Variants in VAPB observed in about 807,000 individuals in gnomAD.
The protein encoded by VAPB is VAMP associated protein B and C.
A neutral mutation model predicts 25.6 loss-of-function variants in VAPB; 7 were observed. The observed-to-expected ratio is 0.27, with a 90% CI of 0.16 to 0.51. The LOEUF is 0.51. Ranked by LOEUF, VAPB falls within the 20% of genes least tolerant of loss-of-function variation. The pLI is 0.97. For synonymous variants in VAPB, 112 were observed against 109.2 expected (o/e 1.03, Z -0.16); for missense variants, 266 against 301.3 (o/e 0.88, Z 0.87).
At chr20:58,429,924 C>T (rs912765343) in intron 2 of VAPB, among the ~76,000 whole-genome samples, 1 of 147,516 alleles carries the variant, frequency 6.8e-6, no homozygotes, top group Non-Finnish European at 1.5e-5. Flanking sequence ...AAAATGAAGA[C>T]GCAGCTGGGC....
intron 1 of VAPB, among the ~76,000 whole-genome samples, chr20:58,415,651 G>C (rs903500888): frequency 6.6e-6 from 1 of 152,126 alleles, no homozygotes; most frequent in African/African-American, 2.4e-5. Context: ...TTGTAAAATT[G>C]ACTGTACTTT....
intron 1 of VAPB, among the ~76,000 whole-genome samples, chr20:58,389,770 G>A (rs1020950059): frequency 3.3e-5 from 5 of 152,216 alleles, no homozygotes; most frequent in African/African-American, 1.2e-4. Flanking sequence ...CCTGGGACTT[G>A]CCTTCGAGGC....
At chr20:58,414,267 G>A (rs1457072976) in intron 1 of VAPB, among the ~76,000 whole-genome samples, 2 of 144,666 alleles carry the variant, frequency 1.4e-5, no homozygotes, top group African/African-American at 5.1e-5. Context: ...CTGGCGGGGC[G>A]TGGGGCTGAC....
intron 1 of VAPB, among the ~76,000 whole-genome samples, chr20:58,393,440 T>C (rs895900903): frequency 6.6e-6 from 1 of 152,184 alleles, no homozygotes; most frequent in Non-Finnish European, 1.5e-5. Flanking sequence ...GTCCTAATCG[T>C]TTCCTTGCCA....
chr20:58,448,500 G>A lies in VAPB; in HGVS notation c.*4265G>A, dbSNP rs780267648. ...GGGGTAGATGGCTCTGTTTGCATAC[G>A]AAGAAATAAAGGCTCCAGGAGGTTA... On this transcript the variant is annotated 3_prime_UTR_variant, in exon 6 of 6. Coordinates refer to ENST00000475243, the MANE Select transcript of VAPB (RefSeq NM_004738.5). The A allele has an allele frequency of 4.4e-5, 20 of 453,904 alleles. No individual in the cohort carries two copies. Among genetic ancestry groups the A allele is most frequent in the African/African-American group, 1.2e-4 (6 of 49,946 alleles). The allele number at this position is 453,904 out of a possible 1,614,324, so 28.1% of individuals were successfully genotyped here. A position where few individuals can be genotyped will look rare whatever the true frequency, so the allele number is the denominator to read the frequency against.
chr20:58,435,742 C>T (rs1314056583), intron 3 of VAPB, among the ~76,000 whole-genome samples: 2 of 152,150 alleles, frequency 1.3e-5, no homozygotes, highest in African/African-American at 4.8e-5. Context: ...TTAGAGAGAT[C>T]AGTGATAATA....
intron 1 of VAPB, among the ~76,000 whole-genome samples, chr20:58,393,789 A>G (rs976974242): frequency 2.6e-5 from 4 of 151,940 alleles, no homozygotes; most frequent in East Asian, 1.9e-4. Flanking sequence ...CTGGAGTGCA[A>G]TGGCGCGATC....
At chr20:58,441,187 T>C (rs1162948442) in intron 5 of VAPB, 104 bp downstream of exon 5, 5 of 1,321,742 alleles carry the variant, frequency 3.8e-6, no homozygotes, top group Non-Finnish European at 5.3e-6. Flanking sequence ...TTCTTTTTGC[T>C]TTTGGTATTT....
chr20:58,405,728 G>A (rs981949277), intron 1 of VAPB, among the ~76,000 whole-genome samples: 7 of 134,754 alleles, frequency 5.2e-5, no homozygotes, highest in East Asian at 4.5e-4. Flanking sequence ...GAGCCATCAC[G>A]CCTGGCCAGG....
In VAPB at chr20:58,450,340, C is replaced by T. The variant is rs762033996; in HGVS notation, c.*6105C>T. On this transcript the variant is annotated 3_prime_UTR_variant, in exon 6 of 6. Coordinates refer to ENST00000475243, the MANE Select transcript of VAPB (RefSeq NM_004738.5). ...ATCATTCACTCCTTAGCAAACGTTT[C>T]GTAAGTACCCTCTGTCTGTTTGCTA... 7.1e-5 allele frequency: 32 copies of T among 453,020 alleles called. No homozygotes were observed. The Middle Eastern group carries it at 2.0e-3, about 29-fold the overall frequency. The allele number at this position is 453,020 out of a possible 1,614,324, so 28.1% of individuals were successfully genotyped here. A position where few individuals can be genotyped will look rare whatever the true frequency, so the allele number is the denominator to read the frequency against.
At chr20:58,393,577 T>C (rs1987864997) in intron 1 of VAPB, among the ~76,000 whole-genome samples, 1 of 152,188 alleles carries the variant, frequency 6.6e-6, no homozygotes, top group Non-Finnish European at 1.5e-5. Flanking sequence ...AGAGTCCATC[T>C]GTGGTAAATA....
chr20:58,404,061 C>T (rs1163789963), intron 1 of VAPB, among the ~76,000 whole-genome samples: 1 of 152,196 alleles, frequency 6.6e-6, no homozygotes, highest in Non-Finnish European at 1.5e-5. Flanking sequence ...ATTGTAGTAG[C>T]ACCGTGACTC....
Position 58,450,097 on chromosome 20 carries a change from T to G in VAPB, c.*5862T>G, listed in dbSNP as rs1989405670. On this transcript the variant is annotated 3_prime_UTR_variant, in exon 6 of 6. Transcript: ENST00000475243. ...ACACGTTGACTTGCCGGTTTTTCCA[T>G]GTCATACAAAAAAGTCCTGGCTGTT... 1 of 453,998 alleles carries G rather than the reference T, an allele frequency of 2.2e-6. No individual in the cohort carries two copies. Among genetic ancestry groups the G allele is most frequent in the Non-Finnish European group, 4.4e-6 (1 of 226,784 alleles). The allele number at this position is 453,998 out of a possible 1,614,324, so 28.1% of individuals were successfully genotyped here.
At chr20:58,399,175 C>T (rs750715726) in intron 1 of VAPB, among the ~76,000 whole-genome samples, 12 of 151,882 alleles carry the variant, frequency 7.9e-5, no homozygotes, top group Non-Finnish European at 1.6e-4. Context: ...GTGGTGCATG[C>T]CTGTAATCCA....
At position 58,444,727 on chromosome 20, in the gene VAPB, C is replaced by T. The variant is rs1425871633; in HGVS notation, c.*492C>T. 1 of 454,590 alleles carries T rather than the reference C, an allele frequency of 2.2e-6. No homozygotes were observed. Among genetic ancestry groups the T allele is most frequent in the South Asian group, 1.6e-5 (1 of 64,470 alleles). 28.2% of individuals were successfully genotyped at this position (454,590 alleles called of 1,614,324 possible). On this transcript the variant is annotated 3_prime_UTR_variant, in exon 6 of 6. Transcript: ENST00000475243. ...GTGTCTTCAGTTCTGTCCAAGCCAT[C>T]AGCTCCTTGGGACTGATGAACAGAG...
chr20:58,404,528 T>A (rs1224100501), intron 1 of VAPB, among the ~76,000 whole-genome samples: 1 of 152,234 alleles, frequency 6.6e-6, no homozygotes, highest in African/African-American at 2.4e-5. Flanking sequence ...TTCGATGCAG[T>A]TAGAGGTAGT....
rs955197955 is a variant in VAPB at position 58,446,373 on chromosome 20, C to T, written c.*2138C>T. On this transcript the variant is annotated 3_prime_UTR_variant, in exon 6 of 6. Coordinates refer to ENST00000475243, the MANE Select transcript of VAPB (RefSeq NM_004738.5). ...CCCTCATGTCTTTGATAGGAGAGTG[C>T]TTAGGTGGTCCCCAACAGTGCCTAG... 2 of 454,066 alleles carry T rather than the reference C, an allele frequency of 4.4e-6. No individual in the cohort carries two copies. Among genetic ancestry groups the T allele is most frequent in the Non-Finnish European group, 8.8e-6 (2 of 226,782 alleles). 28.1% of individuals were successfully genotyped at this position (454,066 alleles called of 1,614,324 possible). A position where few individuals can be genotyped will look rare whatever the true frequency, so the allele number is the denominator to read the frequency against.
At position 58,402,267 on chromosome 20, in the gene VAPB, G is replaced by A. The variant is rs188210963; in HGVS notation, c.58+12750G>A. ...CAGCCTTTTAGTTCTCCTTGGCCAT[G>A]GGGCTTTGGCATACTATGTATCATG... is the stretch of plus-strand genomic sequence containing the variant. On this transcript the variant is annotated intron_variant, in intron 1 of 5. Transcript: ENST00000475243. Among the ~76,000 whole-genome samples, 44 of 152,270 alleles carry A rather than the reference G, an allele frequency of 2.9e-4. 1 individual carries two copies. The highest frequency in any genetic ancestry group is 9.6e-4 in the African/African-American group (40 of 41,548).
At chr20:58,414,901 C>G (rs1332778195) in intron 1 of VAPB, among the ~76,000 whole-genome samples, 1 of 152,214 alleles carries the variant, frequency 6.6e-6, no homozygotes, top group Non-Finnish European at 1.5e-5. Flanking sequence ...TGTAGCGAGC[C>G]GAGATCACGC....
Sources: gnomAD v4.1 joint callset for allele counts (sites outside exome capture counted in the v4.1 genomes callset) on GRCh38, gnomAD v4.1.1 for gene constraint, MANE v1.5 for transcripts, NCBI Gene and HGNC (gene_info 2026-07-23, HGNC 2026-07-21) for gene names.